The following PDXK variants were observed in gnomAD, a reference collection of about 807,000 sequenced individuals.
The protein encoded by PDXK is pyridoxal kinase.
In PDXK, 15 loss-of-function variants were observed where a neutral mutation model predicts 43.2. That is an observed-to-expected ratio of 0.35 (90% CI 0.23 to 0.53). The LOEUF is 0.53. Ranked by LOEUF, PDXK falls within the 20% of genes least tolerant of loss-of-function variation. PDXK has a pLI of 0.92. For synonymous variants in PDXK, 172 were observed against 165.4 expected, an observed-to-expected ratio of 1.04 and a Z score of -0.31; for missense variants, 343 against 417.0, an observed-to-expected ratio of 0.82 and a Z score of 1.54.
rs1478603966 is a variant in PDXK, at chr21:43,723,968, G to A, written c.87+4587G>A. The stretch of plus-strand genomic sequence containing the variant: ...AGACATTCCATGATTGGATTCCATG[G>A]CTTTGAGAATCTCACTTGGGGCCTT... On this transcript the variant is annotated intron_variant, in intron 1 of 10. Transcript: ENST00000291565. The surrounding 1 kb of genome is among the most constrained non-coding windows in gnomAD (Gnocchi z 4.1). 2 of 152,278 alleles carry A rather than the reference G, an allele frequency of 1.3e-5. No homozygotes were observed. The highest frequency in any genetic ancestry group is 3.8e-4 in the East Asian group (2 of 5,206). 9.4% of individuals were successfully genotyped at this position (152,278 alleles called of 1,614,324 possible).
At position 43,734,001 on chromosome 21, in the gene PDXK, CCTG is replaced by C; in HGVS notation, c.88-64_88-62del. ...TTTACTCCCCTCTTCTGAGTCAGCA[CCTG>C]CTGGGGTTCGTGGGACCCCAGACCT... On this transcript the variant is annotated intron_variant, in intron 1 of 10. Transcript: ENST00000291565. The surrounding 1 kb of genome is among the most constrained non-coding windows in gnomAD (Gnocchi z 5.0). 1 of 1,505,096 alleles carries C rather than the reference CCTG, an allele frequency of 6.6e-7. No individual in the cohort carries two copies. The highest frequency in any genetic ancestry group is 9.2e-7 in the Non-Finnish European group (1 of 1,081,496). The allele number at this position is 1,505,096 out of a possible 1,614,324, so 93.2% of individuals were successfully genotyped here.
intron 1 of PDXK, among the ~76,000 whole-genome samples, chr21:43,725,279 C>A (rs894795980): frequency 6.6e-6 from 1 of 151,322 alleles, no homozygotes; most frequent in Non-Finnish European, 1.5e-5. Context: ...GCCGAGATCG[C>A]GCCACTGCAC....
At chr21:43,747,540 C>CT (rs1391899428) in intron 5 of PDXK, among the ~76,000 whole-genome samples, 2 of 152,256 alleles carry the variant, frequency 1.3e-5, no homozygotes, top group Non-Finnish European at 2.9e-5. Flanking sequence ...TGCTCAGCGT[C>CT]TGTCTGTCCA....
chr21:43,750,795 GATGTGTGCGTGTGTGCGCGCACCC>G (rs2083727437), intron 7 of PDXK, among the ~76,000 whole-genome samples: 1 of 133,518 alleles, frequency 7.5e-6, no homozygotes, highest in Non-Finnish European at 1.6e-5. Flanking sequence ...TGTGTGTGTG[GATGTGTGCGTGTGTGCGCGCACCC>G]ATGTGTGCAT....
chr21:43,733,815 G>A (rs1344152706), intron 1 of PDXK: 7 of 718,946 alleles, frequency 9.7e-6, no homozygotes, highest in Non-Finnish European at 1.5e-5. Flanking sequence ...TGGGCTGGGC[G>A]ATGCCCTCCC....
chr21:43,730,128 G>T (rs764655206), intron 1 of PDXK, among the ~76,000 whole-genome samples: 2 of 150,578 alleles, frequency 1.3e-5, no homozygotes, highest in Non-Finnish European at 3.0e-5. Context: ...TTGATTGATT[G>T]ATTTGGTTTG....
chr21:43,750,979 T>TGTGTGC (rs57132172), intron 7 of PDXK, among the ~76,000 whole-genome samples: 37 of 148,288 alleles, frequency 2.5e-4, no homozygotes, highest in Admixed American at 8.8e-4. Context: ...TGTGTGTGTG[T>TGTGTGC]GCACATGTGT....
chr21:43,729,043 C>A (rs1476442947), intron 1 of PDXK: 1 of 984,210 alleles, frequency 1.0e-6, no homozygotes, highest in East Asian at 1.1e-4. Context: ...CACGGATGAG[C>A]GGGGCAAAGC....
rs775711739 is a variant in PDXK, at chr21:43,755,806, C to T, written c.826+42C>T. 7.6e-6 allele frequency: 12 copies of T among 1,573,758 alleles called. No individual in the cohort carries two copies. In the East Asian group the frequency reaches 2.5e-4, roughly 32 times the overall value. ...GCATGGGCTGCGTGGGCTCCTGGCT[C>T]CCGAAGTGGGTGGGAGAGAAGAGCT... On this transcript the variant is annotated intron_variant, in intron 10 of 10. Transcript: ENST00000291565.
At chr21:43,743,936 C>T in intron 4 of PDXK, 129 bp downstream of exon 4, 1 of 687,066 alleles carries the variant, frequency 1.5e-6, no homozygotes, top group Non-Finnish European at 2.6e-6. Context: ...CTCTCCGGGC[C>T]AGTGAATTGT....
intron 2 of PDXK, among the ~76,000 whole-genome samples, chr21:43,736,219 G>C (rs553766572): frequency 6.6e-6 from 1 of 152,334 alleles, no homozygotes; most frequent in South Asian, 2.1e-4. Context: ...TACTGGTCCT[G>C]ATTATGCACA....
chr21:43,743,119 C>G (rs569391619), intron 3 of PDXK, among the ~76,000 whole-genome samples: 2 of 116,174 alleles, frequency 1.7e-5, no homozygotes. Flanking sequence ...TCCCCCCGCT[C>G]TGAGCACTAT....
chr21:43,755,224 AG>A (rs2083825784), intron 9 of PDXK, among the ~76,000 whole-genome samples: 1 of 150,454 alleles, frequency 6.6e-6, no homozygotes, highest in South Asian at 2.1e-4. Context: ...GGCATCACTG[AG>A]TGATGATTGG....
intron 2 of PDXK, among the ~76,000 whole-genome samples, chr21:43,740,618 G>A (rs1022215368): frequency 6.6e-6 from 1 of 151,912 alleles, no homozygotes; most frequent in Non-Finnish European, 1.5e-5. Flanking sequence ...AGTGCAGGAA[G>A]GGCTCCCAGG....
intron 7 of PDXK, among the ~76,000 whole-genome samples, chr21:43,752,101 ATGTGTGTGTG>A (rs66466038): frequency 6.8e-6 from 1 of 146,498 alleles, no homozygotes; most frequent in Non-Finnish European, 1.5e-5. Flanking sequence ...GATGCAGCAC[ATGTGTGTGTG>A]TGTGTGTGTG....
chr21:43,745,217 C>G (rs978125928), intron 4 of PDXK, among the ~76,000 whole-genome samples: 1 of 152,008 alleles, frequency 6.6e-6, no homozygotes, highest in Non-Finnish European at 1.5e-5. Flanking sequence ...GTCAGGTGTT[C>G]GAGATCAGCC....
At chr21:43,741,018 G>A (rs117208074) in intron 2 of PDXK, 5 of 149,250 alleles carry the variant, frequency 3.4e-5, no homozygotes, top group Non-Finnish European at 5.9e-5. Context: ...ACAGCAATGG[G>A]GGAGCAACGC....
chr21:43,758,300 C>T lies in PDXK; in HGVS notation c.*2237C>T, dbSNP rs2083885184. The T allele has an allele frequency of 6.5e-6, 1 of 153,680 alleles. No homozygotes were observed. Among genetic ancestry groups the T allele is most frequent in the African/African-American group, 2.4e-5 (1 of 41,466 alleles). 9.5% of individuals were successfully genotyped at this position (153,680 alleles called of 1,614,324 possible). Reference sequence around the variant, plus strand: ...CCCGTAAATCCTGAGCTCTCTGGCGCAATCTGAAACTTCTCTTCTGTTTTC... The same window carrying T: ...CCCGTAAATCCTGAGCTCTCTGGCGTAATCTGAAACTTCTCTTCTGTTTTC... On this transcript the variant is annotated 3_prime_UTR_variant, in exon 11 of 11. Transcript: ENST00000291565.
Position 43,719,375 on chromosome 21 carries a change from G to A in PDXK, c.81G>A (p.Pro27=), listed in dbSNP as rs771333909. 5 of 1,522,886 alleles carry A rather than the reference G, an allele frequency of 3.3e-6. No homozygotes were observed. In the South Asian group the frequency reaches 6.1e-5, roughly 19 times the overall value. The allele number at this position is 1,522,886 out of a possible 1,614,324, so 94.3% of individuals were successfully genotyped here. ...TGGGCAACCGGGCGGCCACGTTCCC[G>A]CTGCAGGTACGCATCCGCCCGCAGC... ...GYVGNRAATF[P]LQVLGFEIDA... The change falls in exon 1 of 11, where the codon CCG becomes CCA. Residue 27 remains proline, a synonymous_variant. Transcript: ENST00000291565.
Sources: gnomAD v4.1 joint callset for allele counts (sites outside exome capture counted in the v4.1 genomes callset) on GRCh38, gnomAD v4.1.1 for gene constraint, Gnocchi (gnomAD v3.1) non-coding constraint, MANE v1.5 for transcripts, NCBI Gene and HGNC (gene_info 2026-07-23, HGNC 2026-07-21) for gene names.